Variants in EYA1 observed in about 807,000 individuals in gnomAD.
The protein encoded by EYA1 is EYA transcriptional coactivator and phosphatase 1, also known as protein phosphatase EYA1.
A neutral mutation model predicts 82.0 loss-of-function variants in EYA1; 16 were observed. The ratio of observed to expected loss-of-function variants is 0.20; its 90% CI spans 0.13 to 0.30. The LOEUF (loss-of-function observed/expected upper bound fraction) is 0.30, where lower values mean the gene tolerates loss of function less well. Ranked by LOEUF, EYA1 falls within the 10% of genes least tolerant of loss-of-function variation. The pLI, the probability that EYA1 is intolerant of heterozygous loss-of-function variation, is 1.00. For synonymous variants in EYA1, 261 were observed against 264.4 expected (o/e 0.99, Z 0.12); for missense variants, 633 against 730.7 (o/e 0.87, Z 1.54).
At chr8:71,313,943 T>A (rs1236273550) in intron 7 of EYA1, among the ~76,000 whole-genome samples, 1 of 152,212 alleles carries the variant, frequency 6.6e-6, no homozygotes, top group Non-Finnish European at 1.5e-5. Context: ...ATTGTAAAAT[T>A]CTGATATTAA....
chr8:71,342,265 TC>T (rs1285356080), intron 3 of EYA1, among the ~76,000 whole-genome samples: 2 of 152,094 alleles, frequency 1.3e-5, no homozygotes, highest in Non-Finnish European at 2.9e-5. Context: ...CTATTCAGGG[TC>T]CTCCACAGTT....
At position 71,284,846 on chromosome 8, in the gene EYA1, G is replaced by T. The variant is rs535962593; in HGVS notation, c.827-12949C>A. On this transcript the variant is annotated intron_variant, in intron 9 of 17. Transcript: ENST00000340726. ...TCGCACTTTCACATCCTCCAATGCTGAGAATTTCACCTTCTTTGTTAATTT... is the reference window on the plus strand; with the variant it reads ...TCGCACTTTCACATCCTCCAATGCTTAGAATTTCACCTTCTTTGTTAATTT... Among the ~76,000 whole-genome samples the T allele has an allele frequency of 3.3e-5, 5 of 152,274 alleles. No individual in the cohort carries two copies. The South Asian group carries it at 1.0e-3, about 32-fold the overall frequency.
chr8:71,391,775 G>C (rs10089898), intron 2 of EYA1, among the ~76,000 whole-genome samples: 33,476 of 152,036 alleles, frequency 0.22, 4,054 homozygotes, highest in Non-Finnish European at 0.27. Context: ...CTTGGACAGT[G>C]GTTCATACTG....
At chr8:71,457,622 G>A (rs1343445281) in intron 2 of EYA1, among the ~76,000 whole-genome samples, 5 of 152,178 alleles carry the variant, frequency 3.3e-5, no homozygotes, top group Non-Finnish European at 5.9e-5. Context: ...GGACATGGAT[G>A]AAGCTGGAAA....
At chr8:71,406,813 GC>G (rs1563581217) in intron 2 of EYA1, among the ~76,000 whole-genome samples, 2 of 146,242 alleles carry the variant, frequency 1.4e-5, no homozygotes, top group Non-Finnish European at 3.0e-5. Context: ...GCCCGCCATT[GC>G]CCAGGCTTGC....
At chr8:71,433,368 T>C (rs1183004809) in intron 2 of EYA1, among the ~76,000 whole-genome samples, 1 of 152,198 alleles carries the variant, frequency 6.6e-6, no homozygotes, top group Non-Finnish European at 1.5e-5. Context: ...AAGATAATCA[T>C]ATACTCTCAT....
At chr8:71,292,007 T>C (rs1819052212) in intron 9 of EYA1, among the ~76,000 whole-genome samples, 1 of 152,146 alleles carries the variant, frequency 6.6e-6, no homozygotes, top group African/African-American at 2.4e-5. Context: ...GTAATTGGAT[T>C]ATAGATGATT....
chr8:71,455,170 AT>A (rs1229302368), intron 2 of EYA1, among the ~76,000 whole-genome samples: 1 of 151,940 alleles, frequency 6.6e-6, no homozygotes, highest in African/African-American at 2.4e-5. Flanking sequence ...AAATGGATAA[AT>A]TCCTTGACAC....
At chr8:71,333,181 G>A (rs1275535036) in intron 4 of EYA1, among the ~76,000 whole-genome samples, 1 of 152,152 alleles carries the variant, frequency 6.6e-6, no homozygotes, top group Non-Finnish European at 1.5e-5. Context: ...AAATGTTTTA[G>A]GAAAGAACAA....
intron 12 of EYA1, among the ~76,000 whole-genome samples, chr8:71,233,272 C>T (rs969158492): frequency 2.0e-5 from 3 of 152,100 alleles, no homozygotes; most frequent in African/African-American, 7.2e-5. Flanking sequence ...ATATAGAAAG[C>T]CTTTGTTTTC....
chr8:71,284,668 G>A (rs1327656253), intron 9 of EYA1, among the ~76,000 whole-genome samples: 2 of 152,182 alleles, frequency 1.3e-5, no homozygotes, highest in Non-Finnish European at 2.9e-5. Context: ...TGATGATAAA[G>A]TGATATTCCA....
intron 1 of EYA1, among the ~76,000 whole-genome samples, chr8:71,545,496 C>T (rs944904471): frequency 1.3e-5 from 2 of 151,284 alleles, no homozygotes; most frequent in East Asian, 1.9e-4. Flanking sequence ...GTATACATCT[C>T]GACTTTTTTA....
chr8:71,484,785 C>T (rs1371655751), intron 2 of EYA1, among the ~76,000 whole-genome samples: 2 of 152,220 alleles, frequency 1.3e-5, no homozygotes, highest in Admixed American at 6.5e-5. Context: ...TACCTGTGAC[C>T]ATGCTGCCGC....
intron 2 of EYA1, among the ~76,000 whole-genome samples, chr8:71,371,254 G>T (rs1828063411): frequency 1.3e-5 from 2 of 152,176 alleles, no homozygotes; most frequent in African/African-American, 4.8e-5. Context: ...TGCTGAAGAA[G>T]CATGCACCAT....
At chr8:71,332,006 C>T (rs1340373725) in intron 4 of EYA1, among the ~76,000 whole-genome samples, 1 of 152,040 alleles carries the variant, frequency 6.6e-6, no homozygotes, top group Non-Finnish European at 1.5e-5. Flanking sequence ...TGCCACCACG[C>T]CCAGCTAATT....
intron 17 of EYA1, among the ~76,000 whole-genome samples, chr8:71,207,581 C>G (rs552992534): frequency 6.6e-6 from 1 of 152,032 alleles, no homozygotes; most frequent in African/African-American, 2.4e-5. Flanking sequence ...GCTAGGAGGA[C>G]TCATTTGGTC....
chr8:71,535,624 AATTGGTAC>A (rs1814653371), intron 2 of EYA1: 1 of 649,966 alleles, frequency 1.5e-6, no homozygotes, highest in Non-Finnish European at 2.5e-6. Flanking sequence ...AATCATTAAA[AATTGGTAC>A]ATTGGTACAG....
intron 2 of EYA1, among the ~76,000 whole-genome samples, chr8:71,420,473 T>G (rs184624468): frequency 2.4e-4 from 36 of 152,286 alleles, no homozygotes; most frequent in Non-Finnish European, 7.4e-5. Context: ...GAAGCTTTTT[T>G]TAAAAAAATT....
At position 71,417,469 on chromosome 8, in the gene EYA1, T is replaced by A. The variant is rs572858584; in HGVS notation, c.34-60958A>T. ...TTTTTTGCCTACTAAAAGTTTTTTT[T>A]AAAATTTCTGAGCATTCCATTATAT... On this transcript the variant is annotated intron_variant, in intron 2 of 18. Coordinates refer to the EYA1 transcript ENST00000643681. Among the ~76,000 whole-genome samples, 6 of 152,342 alleles carry A rather than the reference T, an allele frequency of 3.9e-5. No homozygotes were observed. The South Asian group carries it at 6.2e-4, about 16-fold the overall frequency.
Sources: allele counts gnomAD v4.1 joint callset (sites outside exome capture counted in the v4.1 genomes callset), GRCh38; gene constraint gnomAD v4.1.1; transcripts MANE v1.5; gene names NCBI Gene and HGNC (gene_info 2026-07-23, HGNC 2026-07-21).